KIAA1671: variants seen among roughly 807,000 people sequenced by gnomAD.
KIAA1671 encodes the protein KIAA1671.
In KIAA1671, 52 loss-of-function variants were observed where a neutral mutation model predicts 131.2. That is an observed-to-expected ratio of 0.40 (90% CI 0.32 to 0.50). The LOEUF (loss-of-function observed/expected upper bound fraction) is 0.50, where lower values mean the gene tolerates loss of function less well. KIAA1671 is among the 20% of genes least tolerant of loss of function. KIAA1671 has a pLI of 0.73. For missense variants in KIAA1671, 2,360 were observed against 2,364.2 expected (o/e 1.00, Z 0.04); for synonymous variants, 1,003 against 961.6 (o/e 1.04, Z -0.80).
chr22:25,188,212 AATGGCGTGAACCC>A (rs980562105), intron 11 of KIAA1671, among the ~76,000 whole-genome samples: 1 of 152,188 alleles, frequency 6.6e-6, no homozygotes, highest in African/African-American at 2.4e-5. Flanking sequence ...GAGGCAGGAG[AATGGCGTGAACCC>A]AGGAGGCAGA....
chr22:25,049,325 C>A lies in KIAA1671; in HGVS notation c.4491C>A (p.Ser1497Arg). ...VSPVASVPWRSHSFCKDRRSG... is the reference protein window; with the variant it reads ...VSPVASVPWRRHSFCKDRRSG... Reference sequence around the variant, plus strand: ...CTGTGGCCTCGGTTCCCTGGAGAAGCCACAGCTTCTGCAAAGACAGGAGGA... The same window carrying A: ...CTGTGGCCTCGGTTCCCTGGAGAAGACACAGCTTCTGCAAAGACAGGAGGA... The change falls in exon 6 of 13, where the codon AGC becomes AGA. Residue 1497 changes from serine (S) to arginine (R), a missense_variant. Coordinates refer to ENST00000358431, the MANE Select transcript of KIAA1671 (RefSeq NM_001145206.2). The A allele has an allele frequency of 6.4e-7, 1 of 1,551,636 alleles. No individual in the cohort carries two copies. The highest frequency in any genetic ancestry group is 2.4e-5 in the East Asian group (1 of 40,910).
At chr22:25,142,998 C>T (rs1932828205) in intron 6 of KIAA1671, among the ~76,000 whole-genome samples, 1 of 152,244 alleles carries the variant, frequency 6.6e-6, no homozygotes, top group Non-Finnish European at 1.5e-5. Context: ...CAGAGCTCTC[C>T]AGTGTGAGGA....
chr22:25,053,381 G>A (rs1371340995), intron 6 of KIAA1671: 3 of 152,210 alleles, frequency 2.0e-5, no homozygotes, highest in African/African-American at 7.2e-5. Context: ...ATAAAACACA[G>A]TGACTCAGTT....
At chr22:25,014,951 G>C (rs1925225736) in intron 1 of KIAA1671, 1 of 152,134 alleles carries the variant, frequency 6.6e-6, no homozygotes, top group Admixed American at 6.6e-5. Flanking sequence ...ATGTATTTTA[G>C]GTTTTCTGGG....
At chr22:25,069,982 G>C (rs8141634) in intron 6 of KIAA1671, 36,219 of 188,308 alleles carry the variant, frequency 0.19, 3,630 homozygotes, top group Non-Finnish European at 0.22. Context: ...CACACATTCA[G>C]TTCCCGGGCA....
intron 6 of KIAA1671, among the ~76,000 whole-genome samples, chr22:25,170,241 TATC>T (rs1384472999): frequency 1.3e-5 from 2 of 152,186 alleles, no homozygotes; most frequent in Non-Finnish European, 2.9e-5. Context: ...GCCTCAATTT[TATC>T]ATCTGTAAAA....
intron 6 of KIAA1671, among the ~76,000 whole-genome samples, chr22:25,099,836 T>C (rs1930576146): frequency 6.6e-6 from 1 of 152,086 alleles, no homozygotes; most frequent in African/African-American, 2.4e-5. Flanking sequence ...TAAGCCACAC[T>C]CGTTCCAATG....
chr22:25,097,842 C>T (rs186764816), intron 6 of KIAA1671, among the ~76,000 whole-genome samples: 1 of 152,098 alleles, frequency 6.6e-6, no homozygotes, highest in Admixed American at 6.5e-5. Context: ...ACCATATGGC[C>T]CTTTACAGGA....
At chr22:25,111,203 G>A (rs1931324109) in intron 6 of KIAA1671, among the ~76,000 whole-genome samples, 1 of 152,338 alleles carries the variant, frequency 6.6e-6, no homozygotes, top group South Asian at 2.1e-4. Context: ...CCTTCCCGGG[G>A]CTGCCAGATC....
At chr22:25,144,445 G>C (rs926504138) in intron 6 of KIAA1671, among the ~76,000 whole-genome samples, 1 of 152,132 alleles carries the variant, frequency 6.6e-6, no homozygotes, top group African/African-American at 2.4e-5. Context: ...AGCTCTCTGG[G>C]GGTTCAGGGC....
In KIAA1671 at chr22:25,181,596, T is replaced by C. The variant is rs1934277962; in HGVS notation, c.5075-103T>C. 2.1e-6 allele frequency: 3 copies of C among 1,405,384 alleles called. No homozygotes were observed. In the South Asian group the frequency reaches 3.9e-5, roughly 18 times the overall value. 87.1% of individuals were successfully genotyped at this position (1,405,384 alleles called of 1,614,324 possible). A position where few individuals can be genotyped will look rare whatever the true frequency, so the allele number is the denominator to read the frequency against. On this transcript the variant is annotated intron_variant, in intron 9 of 12. Coordinates refer to ENST00000358431, the MANE Select transcript of KIAA1671 (RefSeq NM_001145206.2). Reference sequence around the variant, plus strand: ...GGCCATAGCGTCTTCTGTGCAGGTCTGATGTGAGCATTGCATGAGATACTG... The same window carrying C: ...GGCCATAGCGTCTTCTGTGCAGGTCCGATGTGAGCATTGCATGAGATACTG...
intron 6 of KIAA1671, among the ~76,000 whole-genome samples, chr22:25,085,218 C>T (rs1929641310): frequency 6.6e-6 from 1 of 152,244 alleles, no homozygotes; most frequent in Non-Finnish European, 1.5e-5. Flanking sequence ...GGACGCTTTT[C>T]TCAGTCCTCT....
chr22:24,970,695 A>G (rs1024080187), intron 1 of KIAA1671, among the ~76,000 whole-genome samples: 14 of 151,566 alleles, frequency 9.2e-5, no homozygotes, highest in African/African-American at 3.2e-4. Context: ...TGGGCCACAC[A>G]TAAAGTACAC....
At chr22:25,049,477 GGGCAGCAGGCAACT>G in intron 6 of KIAA1671, 113 bp downstream of exon 6, 1 of 1,231,976 alleles carries the variant, frequency 8.1e-7, no homozygotes, top group Admixed American at 2.6e-5. Flanking sequence ...ACGGGGTTGA[GGGCAGCAGGCAACT>G]GTCCAGGAAT....
At chr22:24,972,160 A>G (rs1451992500) in intron 1 of KIAA1671, among the ~76,000 whole-genome samples, 10 of 152,242 alleles carry the variant, frequency 6.6e-5, no homozygotes, top group African/African-American at 2.4e-4. Flanking sequence ...ATTATGCAAA[A>G]TGTTATCACC....
intron 6 of KIAA1671, among the ~76,000 whole-genome samples, chr22:25,092,080 G>T (rs1930053477): frequency 6.6e-6 from 1 of 152,140 alleles, no homozygotes; most frequent in Admixed American, 6.5e-5. Context: ...CATCAGAGGG[G>T]AATACGAAAA....
Position 24,963,138 on chromosome 22 carries a change from C to T in KIAA1671, c.-208+10366C>T, listed in dbSNP as rs1330505996. On this transcript the variant is annotated intron_variant, in intron 1 of 12. Transcript: ENST00000358431. ...TCATGCATTGGGAGGCCGAGGCGGGCGGATCACCTGAGGTCAGGAGTTCGA... is the reference window on the plus strand; with the variant it reads ...TCATGCATTGGGAGGCCGAGGCGGGTGGATCACCTGAGGTCAGGAGTTCGA... Among the ~76,000 whole-genome samples the T allele has an allele frequency of 5.9e-5, 9 of 151,970 alleles. No individual in the cohort carries two copies. In the East Asian group the frequency reaches 1.4e-3, roughly 23 times the overall value.
At chr22:25,000,209 T>A (rs1924375453) in intron 1 of KIAA1671, among the ~76,000 whole-genome samples, 2 of 72,234 alleles carry the variant, frequency 2.8e-5, no homozygotes, top group African/African-American at 1.0e-4. Flanking sequence ...TTTTTTTTTT[T>A]TTGAGACGGA....
chr22:25,015,647 C>T (rs1217672821), intron 1 of KIAA1671, among the ~76,000 whole-genome samples: 2 of 152,196 alleles, frequency 1.3e-5, no homozygotes, highest in Non-Finnish European at 1.5e-5. Context: ...AAAAGTCCTG[C>T]TGGAAAGACA....
Sources: gnomAD v4.1 joint callset for allele counts (sites outside exome capture counted in the v4.1 genomes callset) on GRCh38, gnomAD v4.1.1 for gene constraint, MANE v1.5 for transcripts, NCBI Gene and HGNC (gene_info 2026-07-23, HGNC 2026-07-21) for gene names.